The following TIAM1 variants were observed in gnomAD, a reference collection of about 807,000 sequenced individuals.
The protein encoded by TIAM1 is TIAM Rac1 associated GEF 1, also known as rho guanine nucleotide exchange factor TIAM1.
TIAM1 carries 65 observed loss-of-function variants against 163.5 expected under a neutral mutation model. That is an observed-to-expected ratio of 0.40 (90% CI 0.33 to 0.49). The LOEUF (loss-of-function observed/expected upper bound fraction) is 0.49, where lower values mean the gene tolerates loss of function less well. Ranked by LOEUF, TIAM1 falls within the 20% of genes least tolerant of loss-of-function variation. The probability of loss-of-function intolerance (pLI) is 0.77; values close to 1 mark genes in which losing one functional copy is unlikely to be tolerated. For missense variants in TIAM1, 1,789 were observed against 2,044.7 expected (o/e 0.87, Z 2.41); for synonymous variants, 833 against 810.1 (o/e 1.03, Z -0.48).
intron 16 of TIAM1, among the ~76,000 whole-genome samples, chr21:31,155,544 A>C (rs370766342): frequency 4.0e-5 from 6 of 151,730 alleles, no homozygotes; most frequent in East Asian, 3.9e-4. Context: ...TCGCTCTGTC[A>C]CCCAGGCTGG....
intron 17 of TIAM1, among the ~76,000 whole-genome samples, chr21:31,154,040 G>T (rs1206995734): frequency 6.6e-6 from 1 of 152,008 alleles, no homozygotes; most frequent in Non-Finnish European, 1.5e-5. Context: ...CTCCAGCCTG[G>T]CCAACAGAGT....
chr21:31,409,876 G>A (rs28437412), intron 2 of TIAM1, among the ~76,000 whole-genome samples: 7,672 of 152,184 alleles, frequency 0.05, 391 homozygotes, highest in African/African-American at 0.13. Flanking sequence ...AAAGGGTTAA[G>A]GAGGCCTTTT....
intron 10 of TIAM1, 130 bp downstream of exon 10, chr21:31,213,268 C>G (rs963947996): frequency 3.7e-5 from 27 of 739,236 alleles, no homozygotes; most frequent in Admixed American, 6.7e-5. Context: ...TATTACATAA[C>G]TTTTAAAAAC....
intron 19 of TIAM1, among the ~76,000 whole-genome samples, chr21:31,147,764 A>G (rs1452736430): frequency 7.4e-6 from 1 of 134,488 alleles, no homozygotes; most frequent in East Asian, 2.0e-4. Flanking sequence ...TAATTAATAT[A>G]TTATATTAAT....
At chr21:31,413,264 C>CTTTT (rs397866519) in intron 2 of TIAM1, among the ~76,000 whole-genome samples, 630 of 87,826 alleles carry the variant, frequency 7.2e-3, no homozygotes, top group African/African-American at 0.011. Context: ...CTTTTCTTTT[C>CTTTT]TTTTTTTTTT....
chr21:31,167,113 T>TG (rs2084268511), intron 15 of TIAM1, among the ~76,000 whole-genome samples: 2 of 138,300 alleles, frequency 1.4e-5, no homozygotes, highest in South Asian at 2.2e-4. Flanking sequence ...TTTTTTGAGA[T>TG]GGAGTTTCAC....
At chr21:31,438,745 G>T (rs1434384910) in intron 2 of TIAM1, among the ~76,000 whole-genome samples, 2 of 152,080 alleles carry the variant, frequency 1.3e-5, no homozygotes, top group Non-Finnish European at 2.9e-5. Context: ...TTGGCATTTT[G>T]GGCTGAATAA....
intron 15 of TIAM1, among the ~76,000 whole-genome samples, chr21:31,181,809 A>G (rs62221200): frequency 7.5e-5 from 5 of 66,938 alleles, no homozygotes; most frequent in African/African-American, 2.5e-4. Context: ...TTTTTTTACG[A>G]GACAGGCCTC....
chr21:31,409,263 C>T (rs1251823723), intron 2 of TIAM1, among the ~76,000 whole-genome samples: 1 of 152,186 alleles, frequency 6.6e-6, no homozygotes, highest in African/African-American at 2.4e-5. Flanking sequence ...GCATCCGCCA[C>T]CACACCCAGC....
intron 6 of TIAM1, among the ~76,000 whole-genome samples, chr21:31,237,064 A>G (rs1294184526): frequency 1.3e-5 from 2 of 152,188 alleles, no homozygotes; most frequent in Non-Finnish European, 2.9e-5. Flanking sequence ...CATGATGAAG[A>G]ACTTTCTAGG....
chr21:31,502,641 C>T (rs895825626), intron 1 of TIAM1, among the ~76,000 whole-genome samples: 4 of 152,210 alleles, frequency 2.6e-5, no homozygotes, highest in African/African-American at 9.6e-5. Context: ...GTTTCTGCTC[C>T]ATTCAGGACG....
intron 2 of TIAM1, among the ~76,000 whole-genome samples, chr21:31,375,899 C>T (rs1441171458): frequency 2.0e-5 from 3 of 151,846 alleles, no homozygotes; most frequent in East Asian, 1.9e-4. Context: ...TGATGGTGGG[C>T]GCCTGTAATC....
intron 1 of TIAM1, among the ~76,000 whole-genome samples, chr21:31,555,935 T>A (rs2048862417): frequency 6.6e-6 from 1 of 151,902 alleles, no homozygotes; most frequent in Non-Finnish European, 1.5e-5. Context: ...CAACGCTGCT[T>A]TTCCTTTCTG....
At chr21:31,232,275 G>GC (rs1381844597) in intron 6 of TIAM1, among the ~76,000 whole-genome samples, 2 of 152,112 alleles carry the variant, frequency 1.3e-5, no homozygotes, top group Non-Finnish European at 2.9e-5. Context: ...GTATGCCTCA[G>GC]CCCCCCAAAC....
chr21:31,346,029 G>A (rs2076141443), upstream of TIAM1, among the ~76,000 whole-genome samples: 1 of 151,872 alleles, frequency 6.6e-6, no homozygotes, highest in East Asian at 1.9e-4. Context: ...AGGTGAATTT[G>A]CCTCCGGGGA....
In TIAM1 at chr21:31,155,567, C is replaced by T. The variant is rs560742726; in HGVS notation, c.2992-1141G>A. ...TCACCCAGGCTGGAGTGCAGTGGTGCGATCTCAGCTCACAGCAAGCTCCAC... is the reference window on the plus strand; with the variant it reads ...TCACCCAGGCTGGAGTGCAGTGGTGTGATCTCAGCTCACAGCAAGCTCCAC... On this transcript the variant is annotated intron_variant, in intron 16 of 27. Coordinates refer to ENST00000541036, the MANE Select transcript of TIAM1 (RefSeq NM_001353694.2). Among the ~76,000 whole-genome samples the T allele has an allele frequency of 8.6e-4, 130 of 151,878 alleles. 1 individual carries two copies. Among genetic ancestry groups the T allele is most frequent in the African/African-American group, 2.9e-3 (122 of 41,398 alleles).
intron 17 of TIAM1, 66 bp from the exon 18 acceptor site, chr21:31,153,200 G>T: frequency 7.6e-7 from 1 of 1,315,122 alleles, no homozygotes. Flanking sequence ...AGAACTTAAA[G>T]TATAAAGCAT....
At chr21:31,308,468 A>C (rs2074801486) in intron 2 of TIAM1, among the ~76,000 whole-genome samples, 1 of 150,702 alleles carries the variant, frequency 6.6e-6, no homozygotes, top group Non-Finnish European at 1.5e-5. Flanking sequence ...TATATGGTTT[A>C]TATTATATAT....
intron 22 of TIAM1, among the ~76,000 whole-genome samples, chr21:31,138,920 T>C (rs974870757): frequency 2.6e-5 from 4 of 152,244 alleles, no homozygotes; most frequent in African/African-American, 9.6e-5. Context: ...TTCTGGGCTT[T>C]GCACCTCCTG....
Sources: gnomAD v4.1 joint callset for allele counts (sites outside exome capture counted in the v4.1 genomes callset) on GRCh38, gnomAD v4.1.1 for gene constraint, MANE v1.5 for transcripts, NCBI Gene and HGNC (gene_info 2026-07-23, HGNC 2026-07-21) for gene names.